Variants in CACNA1S observed in about 807,000 individuals in gnomAD.
CACNA1S encodes the protein voltage-dependent L-type calcium channel subunit alpha-1S.
CACNA1S carries 126 observed loss-of-function variants against 207.4 expected under a neutral mutation model. That is an observed-to-expected ratio of 0.61 (90% CI 0.53 to 0.70). CACNA1S has a LOEUF of 0.70. CACNA1S is among the 30% of genes least tolerant of loss of function. CACNA1S has a pLI of 0.00. For missense variants in CACNA1S, 2,349 were observed against 2,422.8 expected, an observed-to-expected ratio of 0.97 and a Z score of 0.64; for synonymous variants, 960 against 932.7, an observed-to-expected ratio of 1.03 and a Z score of -0.53.
chr1:201,041,402 C>G, intron 41 of CACNA1S, 102 bp downstream of exon 41: 1 of 877,138 alleles, frequency 1.1e-6, no homozygotes, highest in Non-Finnish European at 1.9e-6. Context: ...GCTCCCAAGC[C>G]AGCCCTCCCA....
At chr1:201,052,715 T>C in intron 31 of CACNA1S, 67 bp from the exon 32 acceptor site, 1 of 1,249,190 alleles carries the variant, frequency 8.0e-7, no homozygotes, top group Non-Finnish European at 1.2e-6. Context: ...TATCCCCCAC[T>C]GCCTTCTCCT....
chr1:201,066,320 G>A lies in CACNA1S; in HGVS notation c.2658-4C>T, dbSNP rs1247327527. 2 of 1,609,592 alleles carry A rather than the reference G, an allele frequency of 1.2e-6. No homozygotes were observed. The highest frequency in any genetic ancestry group is 2.7e-5 in the African/African-American group (2 of 74,956). On this transcript the variant is annotated splice_polypyrimidine_tract_variant and splice_region_variant and intron_variant, in intron 20 of 43. Coordinates refer to ENST00000362061, the MANE Select transcript of CACNA1S (RefSeq NM_000069.3). The surrounding 1 kb of genome is among the most constrained non-coding windows in gnomAD (Gnocchi z 4.3). ...CACCACGGAGATGGCACTGGACCTGGGGGGCGGCAATGGTGAGGGGGCTGA... is the reference window on the plus strand; with the variant it reads ...CACCACGGAGATGGCACTGGACCTGAGGGGCGGCAATGGTGAGGGGGCTGA...
rs138541733 is a variant in CACNA1S, at chr1:201,076,970, G to T, written c.1777C>A (p.Arg593=). 6.1e-5 allele frequency: 98 copies of T among 1,614,090 alleles called. No individual in the cohort carries two copies. Among genetic ancestry groups the T allele is most frequent in the Non-Finnish European group, 8.1e-5 (95 of 1,180,054 alleles). Residue 593 remains arginine (R), a synonymous_variant, in exon 12 of 44, where the codon CGG becomes AGG. Transcript: ENST00000362061. ...GGAAAGTTGTCAAAGTTGCTGCGCC[G>T]TACTTCTGTGTCTTCAAAGTCATAC... ...GRYDFEDTEV[R]RSNFDNFPQA...
chr1:201,094,722 C>T (rs78884365), intron 2 of CACNA1S, among the ~76,000 whole-genome samples: 3 of 152,056 alleles, frequency 2.0e-5, no homozygotes, highest in African/African-American at 2.4e-5. Context: ...CCTTAAAGGC[C>T]GTGACACTAT....
At chr1:201,069,252 T>G in intron 18 of CACNA1S, 56 bp from the exon 19 acceptor site, 1 of 1,531,618 alleles carries the variant, frequency 6.5e-7, no homozygotes. Context: ...GGCAACAGTA[T>G]CAGCAGCAGC....
rs765841033 is a variant in CACNA1S, at chr1:201,092,070, T to A, written c.443A>T (p.His148Leu). 24 of 1,613,882 alleles carry A rather than the reference T, an allele frequency of 1.5e-5. No individual in the cohort carries two copies. Among genetic ancestry groups the A allele is most frequent in the South Asian group, 9.9e-5 (9 of 91,068 alleles). The stretch of plus-strand genomic sequence containing the variant: ...TCCTTTGCTGCTCATTGGGGCTGTG[T>A]GGCTTTGGATGACGTTAACCTGTTC... Reference protein sequence around the residue: ...ILEQVNVIQSHTAPMSSKGAG... With the variant: ...ILEQVNVIQSLTAPMSSKGAG... Residue 148 changes from histidine (H) to leucine (L), a missense_variant, in exon 4 of 44, where the codon CAC becomes CTC. By Grantham distance (99) the His-to-Leu change is moderately conservative. Transcript: ENST00000362061.
Position 201,050,983 on chromosome 1 carries a change from C to T in CACNA1S, c.4113+1G>A, listed in dbSNP as rs1558056376. On this transcript the variant is annotated splice_donor_variant, in intron 33 of 43. Coordinates refer to ENST00000362061, the MANE Select transcript of CACNA1S (RefSeq NM_000069.3). LOFTEE classifies it high-confidence loss of function. The stretch of plus-strand genomic sequence containing the variant: ...TGCCCCGCAGGCCCTCAGCATCTCA[C>T]CAGGAAGGCACAGAGCATGTAGAAG... 1 of 1,614,128 alleles carries T rather than the reference C, an allele frequency of 6.2e-7. No individual in the cohort carries two copies. Among genetic ancestry groups the T allele is most frequent in the Non-Finnish European group, 8.5e-7 (1 of 1,180,006 alleles).
chr1:201,103,575 C>T (rs1031307446), intron 2 of CACNA1S, among the ~76,000 whole-genome samples: 3 of 152,178 alleles, frequency 2.0e-5, no homozygotes, highest in African/African-American at 4.8e-5. Context: ...GGTGGGAGGG[C>T]AGGCTCCCAG....
chr1:201,095,142 GTATACATATA>G (rs1572065167), intron 2 of CACNA1S, among the ~76,000 whole-genome samples: 1 of 151,152 alleles, frequency 6.6e-6, no homozygotes, highest in Non-Finnish European at 1.5e-5. Flanking sequence ...GTGTGTGTGT[GTATACATATA>G]TATACATATA....
At chr1:201,068,683 C>T (rs1031058825) in intron 19 of CACNA1S, among the ~76,000 whole-genome samples, 4 of 151,746 alleles carry the variant, frequency 2.6e-5, no homozygotes, top group Admixed American at 2.0e-4. Flanking sequence ...CCATCCCAGC[C>T]AACATGGTGA....
chr1:201,084,842 G>A (rs1572056314), intron 9 of CACNA1S, 108 bp downstream of exon 9: 1 of 819,704 alleles, frequency 1.2e-6, no homozygotes, highest in Non-Finnish European at 2.1e-6. Context: ...CTTTCTAAAG[G>A]ATTAGACAAG....
Position 201,051,139 on chromosome 1 carries a change from C to T in CACNA1S, c.3958G>A (p.Ala1320Thr), listed in dbSNP as rs763386108. Residue 1320 changes from alanine (A) to threonine (T), a missense_variant, in exon 33 of 44, where the codon GCA becomes ACA. Coordinates refer to ENST00000362061, the MANE Select transcript of CACNA1S (RefSeq NM_000069.3). ...PQAVLLLFRC[A>T]TGEAWQEILL... ...ATCTCCTGCCAGGCCTCACCTGTTG[C>T]ACACCTAGAGGACAGAAGAGGCTCC... The T allele has an allele frequency of 1.9e-6, 3 of 1,614,232 alleles. No homozygotes were observed. Among genetic ancestry groups the T allele is most frequent in the South Asian group, 1.1e-5 (1 of 91,092 alleles).
At chr1:201,085,069 GC>G (rs755085047) in intron 8 of CACNA1S, 38 bp from the exon 9 acceptor site, 1 of 1,489,732 alleles carries the variant, frequency 6.7e-7, no homozygotes, top group Non-Finnish European at 9.3e-7. Flanking sequence ...AGCCTTCGGG[GC>G]CCCTCTGGGC....
At position 201,073,535 on chromosome 1, in the gene CACNA1S, C is replaced by T; in HGVS notation, c.2157+14G>A. On this transcript the variant is annotated intron_variant, in intron 15 of 43. Coordinates refer to ENST00000362061, the MANE Select transcript of CACNA1S (RefSeq NM_000069.3). ...CCCTAGACTGCCTCTAACATCCCCA[C>T]CTGAGGTGCTCACCTTGGCAGTGGT... The T allele has an allele frequency of 6.2e-7, 1 of 1,604,998 alleles. No homozygotes were observed.
Position 201,073,662 on chromosome 1 carries a change from G to T in CACNA1S, c.2064-20C>A. The T allele has an allele frequency of 6.3e-7, 1 of 1,597,740 alleles. No individual in the cohort carries two copies. Among genetic ancestry groups the T allele is most frequent in the Non-Finnish European group, 8.6e-7 (1 of 1,165,022 alleles). On this transcript the variant is annotated intron_variant, in intron 14 of 43. Coordinates refer to ENST00000362061, the MANE Select transcript of CACNA1S (RefSeq NM_000069.3). ...AGACCCCTGAGTTAGAAAACCCAAA[G>T]TGGAAGCCAAACCAGAAAGTTCTCA...
At position 201,088,078 on chromosome 1, in the gene CACNA1S, G is replaced by C. The variant is rs76916153; in HGVS notation, c.901-149C>G. ...GACATTTTTCCTAACCTGAGGACTA[G>C]TCTGGAAGAACTTTTCCAGCCTGAG... On this transcript the variant is annotated intron_variant, in intron 6 of 43. Transcript: ENST00000362061. 3.7e-3 allele frequency: 2,603 copies of C among 695,062 alleles called. 57 individuals are homozygous for C. The African/African-American group carries it at 0.041, about 11-fold the overall frequency. The allele number at this position is 695,062 out of a possible 1,614,324, so 43.1% of individuals were successfully genotyped here. A position where few individuals can be genotyped will look rare whatever the true frequency, so the allele number is the denominator to read the frequency against.
At chr1:201,075,149 C>T (rs553114756) in intron 13 of CACNA1S, among the ~76,000 whole-genome samples, 153 of 152,332 alleles carry the variant, frequency 1.0e-3, no homozygotes, top group African/African-American at 3.5e-3. Flanking sequence ...GGCTCCCTGC[C>T]TGCCTCTGAA....
chr1:201,095,691 G>C (rs1662397221), intron 2 of CACNA1S, among the ~76,000 whole-genome samples: 1 of 152,210 alleles, frequency 6.6e-6, no homozygotes, highest in South Asian at 2.1e-4. Flanking sequence ...TCCAGAAAAT[G>C]GTAATGTGAT....
At chr1:201,077,164 A>G in intron 11 of CACNA1S, 37 bp from the exon 12 acceptor site, 1 of 1,563,502 alleles carries the variant, frequency 6.4e-7, no homozygotes, top group Non-Finnish European at 8.8e-7. Flanking sequence ...GAGGAGACAG[A>G]CCCTCTCACT....
Sources: gnomAD v4.1 joint callset for allele counts (sites outside exome capture counted in the v4.1 genomes callset) on GRCh38, gnomAD v4.1.1 for gene constraint, Gnocchi (gnomAD v3.1) non-coding constraint, MANE v1.5 for transcripts, NCBI Gene and HGNC (gene_info 2026-07-23, HGNC 2026-07-21) for gene names.